The following KIRREL1 variants were observed in gnomAD, a reference collection of about 807,000 sequenced individuals.
KIRREL1 encodes kin of IRRE-like protein 1.
In KIRREL1, 25 loss-of-function variants were observed where a neutral mutation model predicts 83.3. The observed-to-expected ratio is 0.30, with a 90% CI of 0.22 to 0.42. The LOEUF (loss-of-function observed/expected upper bound fraction) is 0.42, where lower values mean the gene tolerates loss of function less well. KIRREL1 is among the 10% of genes least tolerant of loss of function. The pLI is 1.00. For missense variants in KIRREL1, 812 were observed against 1,032.3 expected (o/e 0.79, Z 2.92); for synonymous variants, 388 against 410.4 (o/e 0.95, Z 0.66).
intron 1 of KIRREL1, among the ~76,000 whole-genome samples, chr1:158,042,963 C>G (rs1049602373): frequency 3.3e-5 from 5 of 151,234 alleles, no homozygotes; most frequent in East Asian, 1.9e-4. Context: ...TGGCAGGCAC[C>G]TGTAGTCCCA....
In KIRREL1 at chr1:158,095,403, G is replaced by A; in HGVS notation, c.*283G>A. 2.8e-6 allele frequency: 1 copy of A among 359,168 alleles called. No individual in the cohort carries two copies. The highest frequency in any genetic ancestry group is 5.0e-6 in the Non-Finnish European group (1 of 199,234). 22.2% of individuals were successfully genotyped at this position (359,168 alleles called of 1,614,324 possible). ...CTAGAATGGGGACAGGGAAAGTGAA[G>A]GTTAGGGAAAGCAGAGGGGGGCACT... On this transcript the variant is annotated 3_prime_UTR_variant, in exon 15 of 15. Coordinates refer to ENST00000359209, the MANE Select transcript of KIRREL1 (RefSeq NM_018240.7).
intron 1 of KIRREL1, among the ~76,000 whole-genome samples, chr1:158,037,484 T>A (rs2101682519): frequency 9.3e-6 from 1 of 107,412 alleles, no homozygotes; most frequent in South Asian, 3.1e-4. Flanking sequence ...AAAGCAAGAC[T>A]CTGGCAAAAA....
chr1:158,078,686 CAG>C (rs1358734730), intron 3 of KIRREL1, among the ~76,000 whole-genome samples: 11 of 151,576 alleles, frequency 7.3e-5, no homozygotes, highest in African/African-American at 2.2e-4. Flanking sequence ...CCTCCAGGAA[CAG>C]GGGAATAGGA....
At chr1:158,091,666 C>A in intron 11 of KIRREL1, 110 bp downstream of exon 11, 1 of 1,049,944 alleles carries the variant, frequency 9.5e-7, no homozygotes, top group Non-Finnish European at 1.4e-6. Context: ...GGGCTCTGCT[C>A]TGAGGGAGGG....
intron 3 of KIRREL1, among the ~76,000 whole-genome samples, chr1:158,082,749 C>T (rs767227145): frequency 3.9e-5 from 6 of 152,170 alleles, no homozygotes; most frequent in Non-Finnish European, 8.8e-5. Context: ...AGGAGGACTG[C>T]TTGAGCCCAG....
At chr1:158,090,991 C>T (rs775785784) in intron 10 of KIRREL1, among the ~76,000 whole-genome samples, 1 of 152,166 alleles carries the variant, frequency 6.6e-6, no homozygotes, top group Non-Finnish European at 1.5e-5. Context: ...TTCCCAGTGT[C>T]GGTTCAATGG....
At chr1:158,087,985 C>CG in intron 6 of KIRREL1, 21 bp from the exon 7 acceptor site, 1 of 1,613,930 alleles carries the variant, frequency 6.2e-7, no homozygotes, top group Non-Finnish European at 8.5e-7. Flanking sequence ...GATCCCACCT[C>CG]TGTGTTGCCT....
rs1036849631 is a variant in KIRREL1, at chr1:158,095,274, C to T, written c.*154C>T. 1.3e-5 allele frequency: 8 copies of T among 626,460 alleles called. No individual in the cohort carries two copies. Among genetic ancestry groups the T allele is most frequent in the Non-Finnish European group, 2.2e-5 (8 of 362,388 alleles). 38.8% of individuals were successfully genotyped at this position (626,460 alleles called of 1,614,324 possible). On this transcript the variant is annotated 3_prime_UTR_variant, in exon 15 of 15. Coordinates refer to ENST00000359209, the MANE Select transcript of KIRREL1 (RefSeq NM_018240.7). ...TGGGGAGCAGGTCTCCCAGAAACAC[C>T]CCGTCCCGAGGATGGTGCTCTGTGC...
intron 11 of KIRREL1, 127 bp downstream of exon 11, chr1:158,091,683 C>G (rs1214339208): frequency 1.2e-6 from 1 of 861,076 alleles, no homozygotes; most frequent in Non-Finnish European, 1.8e-6. Context: ...AGGGGACACA[C>G]AGAGGGATGT....
intron 1 of KIRREL1, among the ~76,000 whole-genome samples, chr1:158,042,183 A>C (rs768863675): frequency 4.5e-4 from 67 of 150,226 alleles, no homozygotes; most frequent in Non-Finnish European, 5.6e-4. Flanking sequence ...CAGGGCCATG[A>C]GTAGCTGCGT....
At chr1:158,027,367 T>G (rs1660202995) in intron 1 of KIRREL1, among the ~76,000 whole-genome samples, 2 of 152,214 alleles carry the variant, frequency 1.3e-5, no homozygotes, top group African/African-American at 2.4e-5. Context: ...CTGGAAGATC[T>G]CGGAATCCTG....
chr1:158,055,468 G>T (rs1160538016), intron 1 of KIRREL1, among the ~76,000 whole-genome samples: 5 of 152,180 alleles, frequency 3.3e-5, no homozygotes, highest in African/African-American at 1.2e-4. Context: ...TTAAGAAACA[G>T]GTGAATTATG....
At chr1:158,061,854 G>T in intron 1 of KIRREL1, among the ~76,000 whole-genome samples, 1 of 152,244 alleles carries the variant, frequency 6.6e-6, no homozygotes, top group East Asian at 1.9e-4. Context: ...TGGAGGACGG[G>T]GATTTGAAGG....
chr1:158,057,105 A>T (rs1301645560), intron 1 of KIRREL1, among the ~76,000 whole-genome samples: 1 of 152,052 alleles, frequency 6.6e-6, no homozygotes, highest in Non-Finnish European at 1.5e-5. Context: ...AGGTGCAGAG[A>T]TGTTACTGCC....
At chr1:158,005,342 AAG>A (rs1315462837) in intron 1 of KIRREL1, among the ~76,000 whole-genome samples, 1 of 152,130 alleles carries the variant, frequency 6.6e-6, no homozygotes, top group African/African-American at 2.4e-5. Context: ...CTGGTGGGAC[AAG>A]AGAGTGCACA....
In KIRREL1 at chr1:158,034,276, AAAAAAAAAAAG is replaced by A. The variant is rs1354950894; in HGVS notation, c.52+40556_52+40566del. Among the ~76,000 whole-genome samples, 69 of 131,988 alleles carry A rather than the reference AAAAAAAAAAAG, an allele frequency of 5.2e-4. No individual in the cohort carries two copies. The South Asian group carries it at 7.2e-3, about 14-fold the overall frequency. 86.6% of individuals were successfully genotyped at this position (131,988 alleles called of 152,430 possible). A position where few individuals can be genotyped will look rare whatever the true frequency, so the allele number is the denominator to read the frequency against. On this transcript the variant is annotated intron_variant, in intron 1 of 14. Coordinates refer to ENST00000359209, the MANE Select transcript of KIRREL1 (RefSeq NM_018240.7). ...AAGAGCTAGACTCCGTCTCAAAAAA[AAAAAAAAAAAG>A]AAAAAAAGAAAATGAAATTTTTCTT...
At chr1:158,067,342 C>A (rs1661382565) in intron 1 of KIRREL1, among the ~76,000 whole-genome samples, 1 of 152,180 alleles carries the variant, frequency 6.6e-6, no homozygotes, top group African/African-American at 2.4e-5. Context: ...GGGTCCTCAG[C>A]CTCTGTCTTA....
At chr1:158,068,054 G>A (rs1006006057) in intron 1 of KIRREL1, among the ~76,000 whole-genome samples, 4 of 152,204 alleles carry the variant, frequency 2.6e-5, no homozygotes, top group Non-Finnish European at 4.4e-5. Flanking sequence ...TGATTCTTCT[G>A]TCCATGGCTT....
chr1:157,997,775 T>C (rs1004896003), intron 1 of KIRREL1, among the ~76,000 whole-genome samples: 1 of 152,232 alleles, frequency 6.6e-6, no homozygotes, highest in Non-Finnish European at 1.5e-5. Flanking sequence ...GATCATTTAT[T>C]GAGCCCTGTG....
Sources: gnomAD v4.1 joint callset for allele counts (sites outside exome capture counted in the v4.1 genomes callset) on GRCh38, gnomAD v4.1.1 for gene constraint, MANE v1.5 for transcripts, NCBI Gene and HGNC (gene_info 2026-07-23, HGNC 2026-07-21) for gene names.